PIK3C2G: variants seen among roughly 807,000 people sequenced by gnomAD.
The protein encoded by PIK3C2G is phosphatidylinositol-4-phosphate 3-kinase catalytic subunit type 2 gamma, also known as phosphatidylinositol 3-kinase C2 domain-containing subunit gamma.
A neutral mutation model predicts 181.1 loss-of-function variants in PIK3C2G; 168 were observed. The observed-to-expected ratio is 0.93, with a 90% CI of 0.82 to 1.05. The LOEUF (loss-of-function observed/expected upper bound fraction) is 1.05, where lower values mean the gene tolerates loss of function less well. PIK3C2G is among the 50% of genes least tolerant of loss of function. PIK3C2G has a pLI of 0.00. For synonymous variants in PIK3C2G, 573 were observed against 592.2 expected (o/e 0.97, Z 0.47); for missense variants, 1,869 against 1,732.8 (o/e 1.08, Z -1.40).
rs1949825240 is a variant in PIK3C2G, at chr12:18,293,993, G to A, written c.1012G>A (p.Gly338Ser). 1 of 1,569,670 alleles carries A rather than the reference G, an allele frequency of 6.4e-7. No individual in the cohort carries two copies. Among genetic ancestry groups the A allele is most frequent in the Non-Finnish European group, 8.7e-7 (1 of 1,143,096 alleles). The change falls in exon 5 of 33, where the codon GGC becomes AGC. Residue 338 changes from glycine (G) to serine (S), a missense_variant. Gly to Ser is a moderately conservative substitution (Grantham distance 56, BLOSUM62 0). Coordinates refer to ENST00000538779, the MANE Select transcript of PIK3C2G (RefSeq NM_001288772.2). ...CAAAGATCATATTCTAAGTGTATGT[G>A]GCTCTGAAGAATTTTTACAAAAGTA... ...LPKDHILSVC[G>S]SEEFLQNDHC...
intron 5 of PIK3C2G, among the ~76,000 whole-genome samples, chr12:18,302,447 C>A (rs1950214978): frequency 6.6e-6 from 1 of 152,126 alleles, no homozygotes. Flanking sequence ...TGTCCTCAGG[C>A]TCTATGATGG....
chr12:18,326,015 ACT>A (rs376705318), intron 8 of PIK3C2G, among the ~76,000 whole-genome samples: 1,744 of 152,176 alleles, frequency 0.011, 15 homozygotes, highest in South Asian at 0.032. Flanking sequence ...ATGGACAAAC[ACT>A]CTACTATAGG....
intron 11 of PIK3C2G, among the ~76,000 whole-genome samples, chr12:18,356,473 A>G (rs2137747955): frequency 6.6e-6 from 1 of 152,128 alleles, no homozygotes; most frequent in East Asian, 1.9e-4. Context: ...AATCTCTGGC[A>G]CCCCAGAGGA....
At chr12:18,609,674 G>T in intron 31 of PIK3C2G, 45 bp downstream of exon 31, 1 of 1,185,814 alleles carries the variant, frequency 8.4e-7, no homozygotes. Flanking sequence ...CCTACATCCA[G>T]AAATCACTTA....
At chr12:18,537,067 CT>C (rs752369162) in intron 24 of PIK3C2G, among the ~76,000 whole-genome samples, 28 of 152,106 alleles carry the variant, frequency 1.8e-4, no homozygotes, top group South Asian at 1.0e-3. Flanking sequence ...TTAGACCCCC[CT>C]GTCCCAAACC....
chr12:18,494,984 T>C (rs1366666196), intron 20 of PIK3C2G, among the ~76,000 whole-genome samples: 2 of 152,014 alleles, frequency 1.3e-5, no homozygotes, highest in Non-Finnish European at 2.9e-5. Flanking sequence ...AAAATATCTA[T>C]TTTCCATCTC....
At chr12:18,389,431 GTGTT>G (rs1415058719) in intron 14 of PIK3C2G, among the ~76,000 whole-genome samples, 2 of 152,038 alleles carry the variant, frequency 1.3e-5, no homozygotes, top group Non-Finnish European at 1.5e-5. Context: ...ACAGAGCTGA[GTGTT>G]TGTCAGTACT....
chr12:18,609,770 A>G (rs1489521837), intron 31 of PIK3C2G, 141 bp downstream of exon 31: 4 of 588,556 alleles, frequency 6.8e-6, no homozygotes, highest in African/African-American at 1.9e-5. Flanking sequence ...GCCAATTACA[A>G]TATTTTTGCC....
intron 12 of PIK3C2G, among the ~76,000 whole-genome samples, chr12:18,364,867 T>C (rs187582233): frequency 3.0e-4 from 46 of 151,780 alleles, no homozygotes; most frequent in Admixed American, 2.4e-3. Context: ...TACCTTGGGC[T>C]ACGGAGCAAG....
At chr12:18,514,815 C>T (rs1942430572) in intron 24 of PIK3C2G, among the ~76,000 whole-genome samples, 1 of 151,822 alleles carries the variant, frequency 6.6e-6, no homozygotes, top group Non-Finnish European at 1.5e-5. Context: ...TCCTTGTCTT[C>T]TTGTTCCGGA....
At chr12:18,457,546 TC>T (rs1947696427) in intron 18 of PIK3C2G, among the ~76,000 whole-genome samples, 3 of 152,182 alleles carry the variant, frequency 2.0e-5, no homozygotes, top group Admixed American at 1.3e-4. Context: ...TTCATACCAC[TC>T]CAAAAATTTC....
At chr12:18,625,951 C>A (rs7306009) in intron 31 of PIK3C2G, among the ~76,000 whole-genome samples, 4,358 of 151,850 alleles carry the variant, frequency 0.029, 217 homozygotes, top group African/African-American at 0.099. Flanking sequence ...ATAGTTAGAT[C>A]CTGTATTTTT....
chr12:18,418,948 T>C (rs559634568), intron 16 of PIK3C2G, among the ~76,000 whole-genome samples: 1 of 152,012 alleles, frequency 6.6e-6, no homozygotes, highest in Non-Finnish European at 1.5e-5. Context: ...GTGAAAAAAG[T>C]AATAAAGAGG....
Position 18,598,430 on chromosome 12 carries a change from A to G in PIK3C2G, c.4087+3861A>G, listed in dbSNP as rs1947502051. Reference sequence around the variant, plus strand: ...TCCCTATTTAATAAATGGTGCTGGGAAAACTGGCTAGCCATATGTAGAAAG... The same window carrying G: ...TCCCTATTTAATAAATGGTGCTGGGGAAACTGGCTAGCCATATGTAGAAAG... On this transcript the variant is annotated intron_variant, in intron 30 of 32. Coordinates refer to ENST00000538779, the MANE Select transcript of PIK3C2G (RefSeq NM_001288772.2). Among the ~76,000 whole-genome samples, 3 of 151,724 alleles carry G rather than the reference A, an allele frequency of 2.0e-5. No individual in the cohort carries two copies. The South Asian group carries it at 6.2e-4, about 31-fold the overall frequency.
intron 16 of PIK3C2G, among the ~76,000 whole-genome samples, chr12:18,406,393 T>C (rs554032186): frequency 1.2e-4 from 18 of 152,236 alleles, no homozygotes; most frequent in African/African-American, 4.3e-4. Context: ...TGGATATATA[T>C]CCAGAAATGA....
intron 18 of PIK3C2G, among the ~76,000 whole-genome samples, chr12:18,454,426 A>T (rs955962495): frequency 1.3e-5 from 2 of 152,138 alleles, no homozygotes; most frequent in Non-Finnish European, 2.9e-5. Context: ...CTCTGCTGAG[A>T]AAACAGTGAG....
the PIK3C2G span, among the ~76,000 whole-genome samples, chr12:18,712,429 A>G: frequency 1.3e-5 from 2 of 152,336 alleles, no homozygotes; most frequent in East Asian, 1.9e-4. Context: ...CTGTCATTAT[A>G]GTCATTAAAA....
At chr12:18,454,970 C>T (rs1287514737) in intron 18 of PIK3C2G, among the ~76,000 whole-genome samples, 1 of 152,162 alleles carries the variant, frequency 6.6e-6, no homozygotes, top group Non-Finnish European at 1.5e-5. Context: ...GTTTTTCTCT[C>T]AAGAGGCTGT....
intron 18 of PIK3C2G, among the ~76,000 whole-genome samples, chr12:18,450,661 T>C (rs1201871775): frequency 6.6e-6 from 1 of 152,194 alleles, no homozygotes; most frequent in Non-Finnish European, 1.5e-5. Flanking sequence ...TGCTCGTGCC[T>C]ATGTTCCTGA....
Sources: allele counts gnomAD v4.1 joint callset (sites outside exome capture counted in the v4.1 genomes callset), GRCh38; gene constraint gnomAD v4.1.1; transcripts MANE v1.5; gene names NCBI Gene and HGNC (gene_info 2026-07-23, HGNC 2026-07-21).